Variants in AGBL4 observed in about 807,000 individuals in gnomAD.
The protein encoded by AGBL4 is AGBL carboxypeptidase 4, also known as cytosolic carboxypeptidase 6.
In AGBL4, 58 loss-of-function variants were observed where a neutral mutation model predicts 66.4. The ratio of observed to expected loss-of-function variants is 0.87; its 90% CI spans 0.71 to 1.09. AGBL4 has a LOEUF of 1.09. AGBL4 is among the 50% of genes least tolerant of loss of function. The probability of loss-of-function intolerance (pLI) is 0.00; values close to 1 mark genes in which losing one functional copy is unlikely to be tolerated. For missense variants in AGBL4, 579 were observed against 631.0 expected (o/e 0.92, Z 0.88); for synonymous variants, 234 against 222.9 (o/e 1.05, Z -0.44).
At chr1:48,669,949 ATC>A (rs1646250507) in intron 6 of AGBL4, among the ~76,000 whole-genome samples, 1 of 152,122 alleles carries the variant, frequency 6.6e-6, no homozygotes, top group South Asian at 2.1e-4. Flanking sequence ...ATGGCCTAAA[ATC>A]TCATATCTAA....
At chr1:49,908,910 C>CT (rs998493883) in intron 1 of AGBL4, among the ~76,000 whole-genome samples, 1 of 152,110 alleles carries the variant, frequency 6.6e-6, no homozygotes, top group African/African-American at 2.4e-5. Flanking sequence ...AGGCTATACT[C>CT]TTTTTATCTT....
chr1:49,968,573 T>C (rs1571979683), intron 1 of AGBL4, among the ~76,000 whole-genome samples: 1 of 152,214 alleles, frequency 6.6e-6, no homozygotes, highest in Non-Finnish European at 1.5e-5. Context: ...GAATCTTGGA[T>C]AGCATGCCTA....
At chr1:48,554,998 A>G (rs982425418) in intron 11 of AGBL4, among the ~76,000 whole-genome samples, 4 of 152,204 alleles carry the variant, frequency 2.6e-5, no homozygotes, top group Admixed American at 6.6e-5. Flanking sequence ...TTTGGAGATG[A>G]GAAATCAGTC....
chr1:48,689,089 C>T (rs1367335089), intron 6 of AGBL4, among the ~76,000 whole-genome samples: 1 of 150,840 alleles, frequency 6.6e-6, no homozygotes, highest in African/African-American at 2.4e-5. Flanking sequence ...TGGTGGTGCA[C>T]GTGTGCCTGC....
At chr1:48,540,799 C>A (rs953753896) in intron 11 of AGBL4, among the ~76,000 whole-genome samples, 2 of 152,166 alleles carry the variant, frequency 1.3e-5, no homozygotes, top group African/African-American at 4.8e-5. Flanking sequence ...CTTTCCACCC[C>A]CCTAGAATAG....
chr1:49,573,598 C>G (rs961077240), intron 3 of AGBL4, among the ~76,000 whole-genome samples: 1 of 152,172 alleles, frequency 6.6e-6, no homozygotes, highest in Non-Finnish European at 1.5e-5. Flanking sequence ...TGTCTCCCAG[C>G]TTCAGAAACA....
intron 3 of AGBL4, among the ~76,000 whole-genome samples, chr1:49,463,142 A>C (rs891259621): frequency 6.6e-6 from 1 of 151,726 alleles, no homozygotes; most frequent in Non-Finnish European, 1.5e-5. Context: ...TAGGTGTAAT[A>C]GCTTCATTTT....
intron 5 of AGBL4, among the ~76,000 whole-genome samples, chr1:48,990,236 T>A (rs1660502447): frequency 1.3e-5 from 2 of 151,836 alleles, no homozygotes; most frequent in Non-Finnish European, 2.9e-5. Context: ...ATTATTTAGA[T>A]TTTTTTTTCC....
chr1:49,741,178 A>G, intron 2 of AGBL4, among the ~76,000 whole-genome samples: 1 of 152,194 alleles, frequency 6.6e-6, no homozygotes. Flanking sequence ...AAGAAAAGAG[A>G]GAAGAATCAA....
chr1:49,725,682 GTTTT>G, intron 2 of AGBL4, among the ~76,000 whole-genome samples: 1 of 119,066 alleles, frequency 8.4e-6, no homozygotes, highest in African/African-American at 3.3e-5. Context: ...TCCTTTGTGG[GTTTT>G]TTTTTTTTTT....
At chr1:49,336,749 C>T (rs897570928) in intron 3 of AGBL4, among the ~76,000 whole-genome samples, 6 of 152,142 alleles carry the variant, frequency 3.9e-5, no homozygotes, top group African/African-American at 9.7e-5. Context: ...TCATCTTCTT[C>T]TATTAGAAAG....
intron 4 of AGBL4, among the ~76,000 whole-genome samples, chr1:49,207,507 TTTTC>T (rs1241064351): frequency 1.7e-4 from 25 of 147,538 alleles, no homozygotes; most frequent in East Asian, 6.0e-4. Context: ...CTTTCTTTCT[TTTTC>T]TTTCTTTCTT....
intron 2 of AGBL4, among the ~76,000 whole-genome samples, chr1:49,727,268 T>C (rs1286320851): frequency 6.6e-6 from 1 of 152,146 alleles, no homozygotes; most frequent in Non-Finnish European, 1.5e-5. Flanking sequence ...AAACTTAGAT[T>C]ATTCAAGCCA....
chr1:49,235,975 G>A (rs1367860280), intron 4 of AGBL4, among the ~76,000 whole-genome samples: 3 of 151,462 alleles, frequency 2.0e-5, no homozygotes, highest in African/African-American at 4.9e-5. Flanking sequence ...CTTTTTCTCA[G>A]GTCAAATTAT....
intron 5 of AGBL4, among the ~76,000 whole-genome samples, chr1:48,936,028 C>T (rs900895017): frequency 3.5e-4 from 43 of 122,080 alleles, no homozygotes; most frequent in African/African-American, 1.3e-3. Flanking sequence ...TGGCTCATGG[C>T]TGTAATCTCA....
chr1:49,444,977 T>C (rs1354758791), intron 3 of AGBL4, among the ~76,000 whole-genome samples: 1 of 152,024 alleles, frequency 6.6e-6, no homozygotes, highest in Non-Finnish European at 1.5e-5. Context: ...TGATGTGTTT[T>C]CATGATGGCA....
chr1:48,766,843 A>C (rs1312221260), intron 6 of AGBL4, among the ~76,000 whole-genome samples: 1 of 152,248 alleles, frequency 6.6e-6, no homozygotes, highest in East Asian at 1.9e-4. Context: ...TTCTGCAGGC[A>C]GTGAACATTT....
At chr1:49,756,977 T>C (rs888727917) in intron 2 of AGBL4, among the ~76,000 whole-genome samples, 3 of 152,190 alleles carry the variant, frequency 2.0e-5, no homozygotes, top group African/African-American at 7.2e-5. Context: ...ATGGATTGGC[T>C]GTGTTCCCAC....
chr1:49,255,487 A>G (rs1652407365), intron 3 of AGBL4, among the ~76,000 whole-genome samples: 1 of 152,214 alleles, frequency 6.6e-6, no homozygotes, highest in Non-Finnish European at 1.5e-5. Context: ...ACCAGTCAGA[A>G]TGGCTATCAT....
Sources: allele counts gnomAD v4.1 joint callset (sites outside exome capture counted in the v4.1 genomes callset), GRCh38; gene constraint gnomAD v4.1.1; transcripts MANE v1.5; gene names NCBI Gene and HGNC (gene_info 2026-07-23, HGNC 2026-07-21).